Variants in DTNA observed in about 807,000 individuals in gnomAD.
DTNA encodes the protein dystrophin-related protein 3.
Under a neutral mutation model 100.7 loss-of-function variants are expected in DTNA, and 43 were observed. That is an observed-to-expected ratio of 0.43 (90% confidence interval 0.33 to 0.55). The LOEUF is 0.55. Among genes scored for constraint, DTNA ranks in the 20% least tolerant of loss-of-function variants. The probability of loss-of-function intolerance (pLI) is 0.04; values close to 1 mark genes in which losing one functional copy is unlikely to be tolerated. For synonymous variants in DTNA, 349 were observed against 347.9 expected, an observed-to-expected ratio of 1.00 and a Z score of -0.04; for missense variants, 798 against 953.9, an observed-to-expected ratio of 0.84 and a Z score of 2.15.
chr18:34,731,770 C>T (rs780243377), intron 1 of DTNA, among the ~76,000 whole-genome samples: 36 of 152,186 alleles, frequency 2.4e-4, no homozygotes, highest in Non-Finnish European at 4.4e-4. Context: ...TTGTACAGTG[C>T]CTGGCCCACA....
At chr18:34,849,315 G>T (rs1038844286) in intron 14 of DTNA, among the ~76,000 whole-genome samples, 2 of 152,192 alleles carry the variant, frequency 1.3e-5, no homozygotes, top group African/African-American at 4.8e-5. Context: ...TCACTTGAAA[G>T]TAAAGGCAAA....
intron 1 of DTNA, among the ~76,000 whole-genome samples, chr18:34,681,695 A>AACACACAC (rs71813996): frequency 3.4e-4 from 49 of 142,996 alleles, no homozygotes; most frequent in African/African-American, 7.5e-4. Flanking sequence ...CCCTATACAC[A>AACACACAC]ACACACACAC....
intron 3 of DTNA, among the ~76,000 whole-genome samples, chr18:34,785,797 C>G (rs968889199): frequency 1.5e-5 from 2 of 136,242 alleles, no homozygotes; most frequent in Admixed American, 7.8e-5. Context: ...TCCTCCCTCT[C>G]CGACACACAT....
chr18:34,632,065 T>C (rs1244128465), intron 1 of DTNA, among the ~76,000 whole-genome samples: 1 of 152,214 alleles, frequency 6.6e-6, no homozygotes, highest in African/African-American at 2.4e-5. Flanking sequence ...AAAGAAAATA[T>C]AATTTATTTC....
intron 1 of DTNA, among the ~76,000 whole-genome samples, chr18:34,676,255 G>A (rs1021428291): frequency 6.6e-6 from 1 of 151,992 alleles, no homozygotes; most frequent in Admixed American, 6.6e-5. Context: ...CCAATTTGAG[G>A]GGGTCCTCTT....
At chr18:34,529,507 A>G (rs955202055) in intron 1 of DTNA, among the ~76,000 whole-genome samples, 2 of 152,148 alleles carry the variant, frequency 1.3e-5, no homozygotes, top group Admixed American at 1.3e-4. Flanking sequence ...CCCAGTGCAA[A>G]GGGGAACACA....
intron 1 of DTNA, among the ~76,000 whole-genome samples, chr18:34,542,408 A>G (rs376002822): frequency 1.3e-5 from 2 of 152,010 alleles, no homozygotes; most frequent in Non-Finnish European, 2.9e-5. Flanking sequence ...GTGTGTGGGT[A>G]CTGTGGTGAT....
intron 1 of DTNA, among the ~76,000 whole-genome samples, chr18:34,747,444 T>C (rs1396027484): frequency 6.6e-6 from 1 of 152,114 alleles, no homozygotes; most frequent in Non-Finnish European, 1.5e-5. Context: ...ACCCGTCACC[T>C]GAGCAGCAAA....
At chr18:34,682,108 CA>C (rs2078217571) in intron 1 of DTNA, among the ~76,000 whole-genome samples, 1 of 152,174 alleles carries the variant, frequency 6.6e-6, no homozygotes, top group Non-Finnish European at 1.5e-5. Context: ...AAGTCTCCTT[CA>C]TGGCTTTTCA....
intron 1 of DTNA, among the ~76,000 whole-genome samples, chr18:34,554,712 C>T (rs2146036315): frequency 7.1e-6 from 1 of 141,664 alleles, no homozygotes; most frequent in Admixed American, 6.9e-5. Flanking sequence ...GCCTTGCATC[C>T]CAGGGATGAA....
intron 15 of DTNA, among the ~76,000 whole-genome samples, chr18:34,857,378 C>G (rs975847225): frequency 6.6e-6 from 1 of 152,186 alleles, no homozygotes; most frequent in Non-Finnish European, 1.5e-5. Flanking sequence ...TGCTTTGCTC[C>G]GTCTTACTGG....
intron 10 of DTNA, chr18:34,829,172 T>C: frequency 1.2e-6 from 2 of 1,610,180 alleles, no homozygotes; most frequent in Non-Finnish European, 1.7e-6. Flanking sequence ...AAAATATGAT[T>C]ATTTCCCTTT....
chr18:34,593,908 T>C (rs1446194698), intron 1 of DTNA, among the ~76,000 whole-genome samples: 2 of 152,116 alleles, frequency 1.3e-5, no homozygotes, highest in Non-Finnish European at 2.9e-5. Context: ...GAGATGGAGT[T>C]CAGTTTCCCC....
rs2045706164 is a variant in DTNA, at chr18:34,553,693, T to A, written c.-2+60179T>A. 9.3e-5 allele frequency among the ~76,000 whole-genome samples: 14 copies of A among 150,608 alleles called. 1 individual carries two copies. The South Asian group carries it at 2.7e-3, about 29-fold the overall frequency. On this transcript the variant is annotated intron_variant, in intron 1 of 19. Coordinates refer to the DTNA transcript ENST00000283365. Reference sequence around the variant, plus strand: ...TTGTCAAAGATCAGATAGTTGTAGATATGCGGCGTTATTTCTGAGGGCTCT... The same window carrying A: ...TTGTCAAAGATCAGATAGTTGTAGAAATGCGGCGTTATTTCTGAGGGCTCT...
intron 1 of DTNA, among the ~76,000 whole-genome samples, chr18:34,726,108 G>A (rs908878886): frequency 6.6e-6 from 1 of 152,114 alleles, no homozygotes; most frequent in African/African-American, 2.4e-5. Context: ...GGAGTGGGGG[G>A]CTGGAGGAGG....
At chr18:34,808,571 G>A (rs2095419442) in intron 5 of DTNA, among the ~76,000 whole-genome samples, 1 of 152,186 alleles carries the variant, frequency 6.6e-6, no homozygotes, top group South Asian at 2.1e-4. Flanking sequence ...GAAGGGAATG[G>A]CTGGTAGGTA....
chr18:34,814,404 C>T (rs1265887316), intron 6 of DTNA, among the ~76,000 whole-genome samples: 1 of 151,900 alleles, frequency 6.6e-6, no homozygotes, highest in East Asian at 1.9e-4. Context: ...TTAAAAGGAC[C>T]TATGCTGGTG....
intron 1 of DTNA, among the ~76,000 whole-genome samples, chr18:34,753,377 T>A (rs1398312472): frequency 8.5e-5 from 8 of 94,304 alleles, no homozygotes; most frequent in Non-Finnish European, 1.2e-4. Context: ...TTTTTTTTTT[T>A]TTTTTATTTT....
chr18:34,572,005 G>T (rs2047635528), intron 1 of DTNA, among the ~76,000 whole-genome samples: 1 of 152,174 alleles, frequency 6.6e-6, no homozygotes, highest in Non-Finnish European at 1.5e-5. Context: ...GAAATAAAAT[G>T]CATTTGTGCA....
Sources: allele counts gnomAD v4.1 joint callset (sites outside exome capture counted in the v4.1 genomes callset), GRCh38; gene constraint gnomAD v4.1.1; transcripts MANE v1.5; gene names NCBI Gene and HGNC (gene_info 2026-07-23, HGNC 2026-07-21).